TRDN: variants seen among roughly 807,000 people sequenced by gnomAD.
TRDN encodes triadin.
In TRDN, 161 loss-of-function variants were observed where a neutral mutation model predicts 149.7. The observed-to-expected ratio is 1.08, with a 90% CI of 0.95 to 1.23. The LOEUF (loss-of-function observed/expected upper bound fraction) is 1.23, where lower values mean the gene tolerates loss of function less well. TRDN is among the 50% of genes most tolerant of loss of function. TRDN has a pLI of 0.00. For missense variants in TRDN, 896 were observed against 823.5 expected, an observed-to-expected ratio of 1.09 and a Z score of -1.08; for synonymous variants, 294 against 250.5, an observed-to-expected ratio of 1.17 and a Z score of -1.64.
chr6:123,392,206 G>A (rs1300836166), intron 13 of TRDN, among the ~76,000 whole-genome samples: 1 of 151,968 alleles, frequency 6.6e-6, no homozygotes, highest in Non-Finnish European at 1.5e-5. Flanking sequence ...AAGCTCTAAG[G>A]TTGACTTGTC....
intron 12 of TRDN, among the ~76,000 whole-genome samples, chr6:123,405,405 T>A (rs12203989): frequency 0.13 from 20,041 of 152,262 alleles, 1,434 homozygotes; most frequent in African/African-American, 0.2. Flanking sequence ...ATGGTCTGAA[T>A]TCCAACTAAC....
At chr6:123,382,096 A>T in intron 15 of TRDN, 22 bp downstream of exon 15, 2 of 1,472,374 alleles carry the variant, frequency 1.4e-6, no homozygotes. Flanking sequence ...ATAAGGCAGA[A>T]AAAAAGAAAT....
intron 14 of TRDN, among the ~76,000 whole-genome samples, chr6:123,382,428 T>C (rs889538684): frequency 2.6e-5 from 4 of 151,666 alleles, no homozygotes; most frequent in African/African-American, 9.7e-5. Context: ...TACCCACATA[T>C]AATTTATAAA....
At chr6:123,398,856 T>C (rs1046876624) in intron 12 of TRDN, among the ~76,000 whole-genome samples, 1 of 152,194 alleles carries the variant, frequency 6.6e-6, no homozygotes, top group African/African-American at 2.4e-5. Context: ...ATATGAATAA[T>C]GTATCAAAAT....
chr6:123,277,849 C>A (rs140080632), intron 26 of TRDN, among the ~76,000 whole-genome samples: 11 of 152,222 alleles, frequency 7.2e-5, no homozygotes, highest in African/African-American at 9.6e-5. Context: ...TACAGTAGCC[C>A]TACAACAATA....
chr6:123,402,741 G>T (rs1773033387), intron 12 of TRDN, among the ~76,000 whole-genome samples: 1 of 151,968 alleles, frequency 6.6e-6, no homozygotes, highest in Non-Finnish European at 1.5e-5. Context: ...CTCTGTGTAA[G>T]GTGATAATAC....
At chr6:123,464,263 C>A (rs980666505) in intron 10 of TRDN, 1 of 984,748 alleles carries the variant, frequency 1.0e-6, no homozygotes, top group Non-Finnish European at 1.2e-6. Flanking sequence ...AACGTTCCAG[C>A]AAAATTTATT....
chr6:123,269,150 A>G lies in TRDN; in HGVS notation c.1738+699T>C, dbSNP rs1350704152. ...TCACAATTTTGACACAATATTGAAT[A>G]TATTTGCTACCACAGTGGGTAAATA... On this transcript the variant is annotated intron_variant, in intron 31 of 40. Coordinates refer to ENST00000334268, the MANE Select transcript of TRDN (RefSeq NM_006073.4). Among the ~76,000 whole-genome samples, 4 of 152,022 alleles carry G rather than the reference A, an allele frequency of 2.6e-5. No homozygotes were observed. The East Asian group carries it at 7.7e-4, about 29-fold the overall frequency.
Position 123,548,579 on chromosome 6 carries a change from A to G in TRDN, c.266T>C (p.Leu89Ser). The change falls in exon 3 of 41, where the codon TTA becomes TCA. Residue 89 changes from leucine to serine, a missense_variant. By Grantham distance (145) the Leu-to-Ser change is moderately radical. Coordinates refer to ENST00000334268, the MANE Select transcript of TRDN (RefSeq NM_006073.4). The part of the protein sequence containing the change: ...SSIAKIGSDP[L>S]KLVRDAMEET... ...CTCCATAGCATCACGTACCAGTTTT[A>G]AAGGATCTGAGCCAATCTTGGCAAT... is the stretch of plus-strand genomic sequence containing the variant. 6.5e-7 allele frequency: 1 copy of G among 1,543,046 alleles called. No homozygotes were observed. Among genetic ancestry groups the G allele is most frequent in the Non-Finnish European group, 8.7e-7 (1 of 1,143,360 alleles).
At chr6:123,536,474 T>C (rs1780534667) in intron 4 of TRDN, among the ~76,000 whole-genome samples, 1 of 152,028 alleles carries the variant, frequency 6.6e-6, no homozygotes. Flanking sequence ...TTTCTAAATA[T>C]TTTAAATTTC....
intron 22 of TRDN, among the ~76,000 whole-genome samples, chr6:123,336,223 T>TGAAA (rs904826682): frequency 6.6e-6 from 1 of 151,914 alleles, no homozygotes; most frequent in Non-Finnish European, 1.5e-5. Context: ...TGTGTTAAAG[T>TGAAA]GAAAAAATGG....
chr6:123,297,071 C>A (rs1271468700), intron 24 of TRDN, among the ~76,000 whole-genome samples: 2 of 152,082 alleles, frequency 1.3e-5, no homozygotes, highest in Admixed American at 1.3e-4. Flanking sequence ...TTATCTGTAA[C>A]AGGGTCTGTG....
At chr6:123,316,407 C>T (rs758911697) in intron 24 of TRDN, 50 bp downstream of exon 24, 1 of 1,562,450 alleles carries the variant, frequency 6.4e-7, no homozygotes, top group Non-Finnish European at 8.8e-7. Context: ...AGCTTTCTTC[C>T]AACCAAACAG....
chr6:123,349,011 T>G (rs907352761), intron 21 of TRDN, among the ~76,000 whole-genome samples: 2 of 152,130 alleles, frequency 1.3e-5, no homozygotes, highest in South Asian at 2.1e-4. Context: ...GAGAAATTAA[T>G]GTTAACAATA....
At chr6:123,389,176 G>T (rs939324227) in intron 13 of TRDN, among the ~76,000 whole-genome samples, 1 of 152,054 alleles carries the variant, frequency 6.6e-6, no homozygotes, top group African/African-American at 2.4e-5. Flanking sequence ...ATCTAAATCT[G>T]GATCCACGTT....
intron 12 of TRDN, among the ~76,000 whole-genome samples, chr6:123,395,489 C>T (rs1038696032): frequency 2.6e-5 from 4 of 152,122 alleles, no homozygotes; most frequent in African/African-American, 9.7e-5. Flanking sequence ...ATAACCTTAG[C>T]CTGTCCTGGG....
At chr6:123,353,594 G>A (rs138471725) in intron 20 of TRDN, among the ~76,000 whole-genome samples, 60 of 151,682 alleles carry the variant, frequency 4.0e-4, no homozygotes, top group African/African-American at 1.3e-3. Context: ...AATCAAAAAT[G>A]TCTATAAGGT....
chr6:123,333,915 T>C, intron 22 of TRDN, among the ~76,000 whole-genome samples: 1 of 152,154 alleles, frequency 6.6e-6, no homozygotes, highest in East Asian at 1.9e-4. Context: ...TGTTTAATGG[T>C]GCTGGGATAT....
chr6:123,569,305 A>G (rs1440142022), intron 2 of TRDN, among the ~76,000 whole-genome samples: 1 of 152,156 alleles, frequency 6.6e-6, no homozygotes, highest in East Asian at 1.9e-4. Context: ...TATCAGTATC[A>G]GCATTTTGGT....
Sources: gnomAD v4.1 joint callset for allele counts (sites outside exome capture counted in the v4.1 genomes callset) on GRCh38, gnomAD v4.1.1 for gene constraint, MANE v1.5 for transcripts, NCBI Gene and HGNC (gene_info 2026-07-23, HGNC 2026-07-21) for gene names.